Variants in NUP210 observed in about 807,000 individuals in gnomAD.
NUP210 encodes nuclear pore membrane glycoprotein 210.
In NUP210, 151 loss-of-function variants were observed where a neutral mutation model predicts 196.0. The observed-to-expected ratio is 0.77, with a 90% CI of 0.67 to 0.88. NUP210 has a LOEUF of 0.88. NUP210 is among the 40% of genes least tolerant of loss of function. The probability of loss-of-function intolerance (pLI) is 0.00; values close to 1 mark genes in which losing one functional copy is unlikely to be tolerated. For synonymous variants in NUP210, 1,070 were observed against 1,052.7 expected, an observed-to-expected ratio of 1.02 and a Z score of -0.32; for missense variants, 2,314 against 2,493.7, an observed-to-expected ratio of 0.93 and a Z score of 1.53.
chr3:13,362,461 G>A (rs1247943599), intron 14 of NUP210, among the ~76,000 whole-genome samples: 1 of 152,196 alleles, frequency 6.6e-6, no homozygotes, highest in Non-Finnish European at 1.5e-5. Context: ...CTGGTGCCTT[G>A]ACCTTGGACT....
intron 1 of NUP210, among the ~76,000 whole-genome samples, chr3:13,403,536 G>C (rs1466585091): frequency 6.6e-6 from 1 of 152,186 alleles, no homozygotes; most frequent in South Asian, 2.1e-4. Flanking sequence ...AGTCTGAGGG[G>C]ACACAGACAT....
chr3:13,399,035 G>T (rs535723191), intron 2 of NUP210, among the ~76,000 whole-genome samples: 1 of 152,212 alleles, frequency 6.6e-6, no homozygotes, highest in African/African-American at 2.4e-5. Flanking sequence ...TTGGGAGGCT[G>T]AGGTGGGTGG....
intron 17 of NUP210, 39 bp downstream of exon 17, chr3:13,353,876 G>T: frequency 6.4e-7 from 1 of 1,572,306 alleles, no homozygotes; most frequent in Non-Finnish European, 8.7e-7. Context: ...TCTGGTCTCT[G>T]TTCTCCTGCC....
chr3:13,386,128 T>A (rs919754097), intron 6 of NUP210, 147 bp downstream of exon 6: 14 of 803,622 alleles, frequency 1.7e-5, no homozygotes, highest in Non-Finnish European at 2.5e-5. Context: ...ATGATGGTGA[T>A]GGCTGCAGAA....
chr3:13,373,943 G>C, intron 11 of NUP210, 70 bp from the exon 12 acceptor site: 1 of 1,560,480 alleles, frequency 6.4e-7, no homozygotes, highest in Non-Finnish European at 8.7e-7. Flanking sequence ...GAGGGTCAGA[G>C]ACACGTGCGT....
Position 13,370,916 on chromosome 3 carries a change from G to A in NUP210, c.1786+918C>T, listed in dbSNP as rs77100897. Among the ~76,000 whole-genome samples, 110 of 152,340 alleles carry A rather than the reference G, an allele frequency of 7.2e-4. 1 individual carries two copies. In the East Asian group the frequency reaches 0.018, roughly 25 times the overall value. On this transcript the variant is annotated intron_variant, in intron 13 of 39. Transcript: ENST00000254508. Reference sequence around the variant, plus strand: ...GTGGCTCCCCACTGCCTGGACACTAGGTCCAAGCCCTCCAAAACACGCTGT... The same window carrying A: ...GTGGCTCCCCACTGCCTGGACACTAAGTCCAAGCCCTCCAAAACACGCTGT...
intron 12 of NUP210, among the ~76,000 whole-genome samples, chr3:13,373,503 T>G (rs557637452): frequency 3.5e-4 from 54 of 152,218 alleles, no homozygotes; most frequent in Non-Finnish European, 6.5e-4. Flanking sequence ...CTGTGGACAC[T>G]GGCCTTTCTG....
Position 13,348,269 on chromosome 3 carries a change from C to T in NUP210, c.2835+3610G>A. ...TCAGACAAGTGTCCCAGCTTCTGCT[C>T]AAATGCCTCCAGAGACAGGGAGCTC... On this transcript the variant is annotated intron_variant, in intron 20 of 39. Coordinates refer to ENST00000254508, the MANE Select transcript of NUP210 (RefSeq NM_024923.4). The surrounding 1 kb of genome is among the most constrained non-coding windows in gnomAD (Gnocchi z 4.0). 1 of 526,252 alleles carries T rather than the reference C, an allele frequency of 1.9e-6. No homozygotes were observed. The highest frequency in any genetic ancestry group is 2.4e-6 in the Non-Finnish European group (1 of 410,388). 32.6% of individuals were successfully genotyped at this position (526,252 alleles called of 1,614,324 possible).
Position 13,348,851 on chromosome 3 carries a change from A to G in NUP210, c.2835+3028T>C. ...AGCTGGAGACCAACATCAAACGCTG[A>G]AGGAAGGTTTTCGAAAACACCCCAA... On this transcript the variant is annotated intron_variant, in intron 20 of 39. Transcript: ENST00000254508. This position sits in a 1 kb window ranked among gnomAD's most constrained non-coding sequence, Gnocchi z 4.0. The G allele has an allele frequency of 1.0e-6, 1 of 985,434 alleles. No homozygotes were observed. The highest frequency in any genetic ancestry group is 1.2e-6 in the Non-Finnish European group (1 of 829,928). 61.0% of individuals were successfully genotyped at this position (985,434 alleles called of 1,614,324 possible). A position where few individuals can be genotyped will look rare whatever the true frequency, so the allele number is the denominator to read the frequency against.
intron 16 of NUP210, among the ~76,000 whole-genome samples, chr3:13,355,588 A>G (rs547013539): frequency 6.6e-6 from 1 of 152,318 alleles, no homozygotes; most frequent in Non-Finnish European, 1.5e-5. Context: ...TACAGTCACA[A>G]AACACCCCAC....
Position 13,354,437 on chromosome 3 carries a change from C to T in NUP210, c.2329-330G>A, listed in dbSNP as rs534369241. On this transcript the variant is annotated intron_variant, in intron 16 of 39. Transcript: ENST00000254508. ...ATCTACTCGGGAGAGGTCCATGATGCTGCTAAACACCCTACGATACACAGG... is the reference window on the plus strand; with the variant it reads ...ATCTACTCGGGAGAGGTCCATGATGTTGCTAAACACCCTACGATACACAGG... 24 of 317,214 alleles carry T rather than the reference C, an allele frequency of 7.6e-5. No individual in the cohort carries two copies. The East Asian group carries it at 1.8e-3, about 23-fold the overall frequency. 19.6% of individuals were successfully genotyped at this position (317,214 alleles called of 1,614,324 possible). A position where few individuals can be genotyped will look rare whatever the true frequency, so the allele number is the denominator to read the frequency against.
Position 13,379,334 on chromosome 3 carries a change from G to A in NUP210, c.976+229C>T, listed in dbSNP as rs1368347367. ...GGAGAAGTTTCTGGAGACGAGGAAC[G>A]ACACTCAGCTCCTGCCATCACCTCC... On this transcript the variant is annotated intron_variant, in intron 7 of 39. Coordinates refer to ENST00000254508, the MANE Select transcript of NUP210 (RefSeq NM_024923.4). This position sits in a 1 kb window ranked among gnomAD's most constrained non-coding sequence, Gnocchi z 4.2. Among the ~76,000 whole-genome samples the A allele has an allele frequency of 2.0e-5, 3 of 152,242 alleles. No individual in the cohort carries two copies. In the South Asian group the frequency reaches 6.2e-4, roughly 32 times the overall value.
rs573572825 is a variant in NUP210 at position 13,340,573 on chromosome 3, T to C, written c.3229-275A>G. ...AAAACCCAAAAGCTGGGCCGTCCCC[T>C]TGGAGGGATGGCTTTTATGCAGTTG... On this transcript the variant is annotated intron_variant, in intron 23 of 39. Coordinates refer to ENST00000254508, the MANE Select transcript of NUP210 (RefSeq NM_024923.4). The surrounding 1 kb of genome is among the most constrained non-coding windows in gnomAD (Gnocchi z 4.0). Among the ~76,000 whole-genome samples the C allele has an allele frequency of 6.6e-6, 1 of 152,292 alleles. No homozygotes were observed. The highest frequency in any genetic ancestry group is 2.1e-4 in the South Asian group (1 of 4,822).
At chr3:13,377,664 C>T (rs1468560630) in intron 8 of NUP210, 102 bp from the exon 9 acceptor site, 16 of 810,408 alleles carry the variant, frequency 2.0e-5, no homozygotes, top group Admixed American at 1.1e-4. Flanking sequence ...AGCATCCACA[C>T]GAGAAGCCCC....
At position 13,330,502 on chromosome 3, in the gene NUP210, T is replaced by C; in HGVS notation, c.4068A>G (p.Gln1356=). 6.2e-7 allele frequency: 1 copy of C among 1,614,246 alleles called. No individual in the cohort carries two copies. Among genetic ancestry groups the C allele is most frequent in the Non-Finnish European group, 8.5e-7 (1 of 1,180,038 alleles). Residue 1356 remains glutamine, a synonymous_variant, in exon 30 of 40, where the codon CAA becomes CAG. Transcript: ENST00000254508. ...IGTSTIEVIA[Q]EPFGANQTII... is the part of the protein sequence containing the mutation. ...TGGTTTGGTTGGCCCCAAAGGGCTC[T>C]TGTGCAATCACTTCGATGGTGGATG...
At position 13,349,575 on chromosome 3, in the gene NUP210, C is replaced by T. The variant is rs192657996; in HGVS notation, c.2835+2304G>A. ...TGCCCCACTCACCAAGGACCCAGCT[C>T]CTAACGTGCAGGTGTCACCAGAGAG... On this transcript the variant is annotated intron_variant, in intron 20 of 39. Coordinates refer to ENST00000254508, the MANE Select transcript of NUP210 (RefSeq NM_024923.4). Among the ~76,000 whole-genome samples the T allele has an allele frequency of 1.1e-4, 17 of 152,320 alleles. No individual in the cohort carries two copies. In the East Asian group the frequency reaches 3.1e-3, roughly 28 times the overall value.
chr3:13,378,833 A>G, intron 8 of NUP210, 79 bp downstream of exon 8: 1 of 1,074,654 alleles, frequency 9.3e-7, no homozygotes, highest in Non-Finnish European at 1.4e-6. Flanking sequence ...CTGTGGAGCT[A>G]TTGCTTCTTT....
rs1261752543 is a variant in NUP210, at chr3:13,340,102, G to A, written c.3292-69C>T. 4 of 1,601,928 alleles carry A rather than the reference G, an allele frequency of 2.5e-6. No individual in the cohort carries two copies. Among genetic ancestry groups the A allele is most frequent in the African/African-American group, 1.3e-5 (1 of 74,868 alleles). ...AGGCAGCCCGCACCTCCCACTCAGAGAGCCAGGGCCCCAGTGCAGGCAGCT... is the reference window on the plus strand; with the variant it reads ...AGGCAGCCCGCACCTCCCACTCAGAAAGCCAGGGCCCCAGTGCAGGCAGCT... On this transcript the variant is annotated intron_variant, in intron 24 of 39. Transcript: ENST00000254508. The surrounding 1 kb of genome is among the most constrained non-coding windows in gnomAD (Gnocchi z 4.0).
At chr3:13,336,542 T>C (rs1697222695) in intron 27 of NUP210, among the ~76,000 whole-genome samples, 1 of 152,114 alleles carries the variant, frequency 6.6e-6, no homozygotes, top group Admixed American at 6.5e-5. Context: ...CTCCCAGGAC[T>C]TTTGTGACTT....
Sources: gnomAD v4.1 joint callset for allele counts (sites outside exome capture counted in the v4.1 genomes callset) on GRCh38, gnomAD v4.1.1 for gene constraint, Gnocchi (gnomAD v3.1) non-coding constraint, MANE v1.5 for transcripts, NCBI Gene and HGNC (gene_info 2026-07-23, HGNC 2026-07-21) for gene names.